The following CFAP54 variants were observed in gnomAD, a reference collection of about 807,000 sequenced individuals.
CFAP54 encodes cilia and flagella associated protein 54, also known as cilia- and flagella-associated protein 54.
In CFAP54, 290 loss-of-function variants were observed where a neutral mutation model predicts 370.4. The ratio of observed to expected loss-of-function variants is 0.78; its 90% confidence interval spans 0.71 to 0.86. The LOEUF (loss-of-function observed/expected upper bound fraction) is 0.86. CFAP54 is among the 40% of genes least tolerant of loss of function. CFAP54 has a pLI of 0.00. For missense variants in CFAP54, 3,399 were observed against 3,528.7 expected (o/e 0.96, Z 0.93); for synonymous variants, 1,206 against 1,236.5 (o/e 0.98, Z 0.52).
At chr12:96,648,614 G>T (rs1034638470) in intron 34 of CFAP54, among the ~76,000 whole-genome samples, 5 of 137,154 alleles carry the variant, frequency 3.6e-5, no homozygotes, top group African/African-American at 1.4e-4. Context: ...TTTTGGAGAC[G>T]GAGTCTCACC....
chr12:96,627,725 A>G (rs1323688529), intron 30 of CFAP54, among the ~76,000 whole-genome samples: 4 of 152,222 alleles, frequency 2.6e-5, no homozygotes, highest in Admixed American at 2.6e-4. Context: ...ATTAAATGAA[A>G]CAGGCCGTGA....
chr12:96,502,419 A>AAAAAT (rs3056789), intron 2 of CFAP54, among the ~76,000 whole-genome samples: 1 of 147,750 alleles, frequency 6.8e-6, no homozygotes, highest in African/African-American at 2.5e-5. Flanking sequence ...AAAAAAAAAA[A>AAAAAT]GGTATTTATA....
chr12:96,713,720 A>G (rs752099720), intron 48 of CFAP54, among the ~76,000 whole-genome samples: 25 of 152,224 alleles, frequency 1.6e-4, no homozygotes, highest in Non-Finnish European at 3.4e-4. Context: ...AAATAGGGTT[A>G]TCAGGAAGAG....
intron 39 of CFAP54, among the ~76,000 whole-genome samples, chr12:96,676,822 CAG>C: frequency 6.6e-6 from 1 of 152,200 alleles, no homozygotes; most frequent in Middle Eastern, 3.4e-3. Context: ...CCACCACACC[CAG>C]CTTGGTGTCT....
At chr12:96,848,164 C>A (rs560705484) in intron 66 of CFAP54, among the ~76,000 whole-genome samples, 1 of 152,220 alleles carries the variant, frequency 6.6e-6, no homozygotes, top group African/African-American at 2.4e-5. Context: ...GTGACCTCTA[C>A]CTCCCAGGTT....
Position 96,623,755 on chromosome 12 carries a change from C to T in CFAP54, c.3772-12C>T. On this transcript the variant is annotated splice_polypyrimidine_tract_variant and intron_variant, in intron 27 of 67. Transcript: ENST00000524981. ...GTTAAAGTACATTTTGACGTTTAAC[C>T]AATGTTTTTAGGATTCTTCTAAGAA... 1 of 1,380,502 alleles carries T rather than the reference C, an allele frequency of 7.2e-7. No individual in the cohort carries two copies. 85.5% of individuals were successfully genotyped at this position (1,380,502 alleles called of 1,614,324 possible).
At chr12:96,591,390 A>G (rs1021865370) in intron 23 of CFAP54, among the ~76,000 whole-genome samples, 19 of 152,158 alleles carry the variant, frequency 1.2e-4, no homozygotes, top group Non-Finnish European at 8.8e-5. Context: ...AAGACCACTC[A>G]TGTGAAGTTT....
At chr12:96,820,050 A>G (rs1297402893) in intron 65 of CFAP54, among the ~76,000 whole-genome samples, 7 of 152,094 alleles carry the variant, frequency 4.6e-5, no homozygotes, top group Admixed American at 1.3e-4. Context: ...TGGTGTGGGA[A>G]TCGGGGATGA....
intron 66 of CFAP54, among the ~76,000 whole-genome samples, chr12:96,858,210 A>G (rs1659452618): frequency 6.6e-6 from 1 of 152,156 alleles, no homozygotes; most frequent in Non-Finnish European, 1.5e-5. Context: ...GTGAGATGGT[A>G]TCTCATTGTG....
chr12:96,573,654 A>G (rs1312073196), intron 19 of CFAP54, among the ~76,000 whole-genome samples: 1 of 152,178 alleles, frequency 6.6e-6, no homozygotes, highest in Non-Finnish European at 1.5e-5. Context: ...ATAATTTTTA[A>G]AAATTAGTTT....
chr12:96,620,180 G>T (rs1956470061), intron 26 of CFAP54, among the ~76,000 whole-genome samples: 1 of 152,076 alleles, frequency 6.6e-6, no homozygotes. Flanking sequence ...TTATTGTTCA[G>T]CCACTTTATA....
chr12:96,584,540 C>T (rs980358168), intron 22 of CFAP54, among the ~76,000 whole-genome samples: 1 of 152,118 alleles, frequency 6.6e-6, no homozygotes, highest in Non-Finnish European at 1.5e-5. Flanking sequence ...GATTACCACT[C>T]TTTCCACTCA....
At chr12:96,605,652 G>A (rs534536390) in intron 26 of CFAP54, among the ~76,000 whole-genome samples, 1 of 152,310 alleles carries the variant, frequency 6.6e-6, no homozygotes, top group South Asian at 2.1e-4. Context: ...ATTTGTGTCA[G>A]GCACTGGTTT....
chr12:96,872,104 TA>T (rs769449379), intron 67 of CFAP54, among the ~76,000 whole-genome samples: 3 of 151,934 alleles, frequency 2.0e-5, no homozygotes, highest in South Asian at 2.1e-4. Flanking sequence ...GCATGATAAA[TA>T]AAAAGAAAAC....
chr12:96,808,440 G>A (rs1184798947), intron 63 of CFAP54, among the ~76,000 whole-genome samples: 1 of 152,234 alleles, frequency 6.6e-6, no homozygotes, highest in Admixed American at 6.5e-5. Flanking sequence ...GAGTACTCAC[G>A]AGACTTCACA....
chr12:96,772,284 GA>G (rs1958470511), intron 60 of CFAP54, among the ~76,000 whole-genome samples: 1 of 152,118 alleles, frequency 6.6e-6, no homozygotes, highest in African/African-American at 2.4e-5. Context: ...CTGGAGGTCA[GA>G]AGTCCAAAAT....
intron 63 of CFAP54, among the ~76,000 whole-genome samples, chr12:96,800,625 T>A (rs1958810286): frequency 6.6e-6 from 1 of 152,220 alleles, no homozygotes; most frequent in African/African-American, 2.4e-5. Flanking sequence ...TTTGTTTGAT[T>A]TAAATATGGG....
At chr12:96,815,772 C>T (rs1021208385) in intron 64 of CFAP54, among the ~76,000 whole-genome samples, 4 of 152,190 alleles carry the variant, frequency 2.6e-5, no homozygotes, top group Non-Finnish European at 5.9e-5. Context: ...TTTCAGTTTT[C>T]TGCATATAGC....
intron 48 of CFAP54, among the ~76,000 whole-genome samples, chr12:96,713,333 G>A (rs1037462989): frequency 2.0e-5 from 3 of 152,112 alleles, no homozygotes; most frequent in East Asian, 1.9e-4. Context: ...ATATATACAC[G>A]ATGAAATATT....
Sources: gnomAD v4.1 joint callset for allele counts (sites outside exome capture counted in the v4.1 genomes callset) on GRCh38, gnomAD v4.1.1 for gene constraint, MANE v1.5 for transcripts, NCBI Gene and HGNC (gene_info 2026-07-23, HGNC 2026-07-21) for gene names.